Variants in NBAS observed in about 807,000 individuals in gnomAD.
NBAS encodes NBAS subunit of NRZ tethering complex, also known as NAG/BC035112 fusion.
A neutral mutation model predicts 302.5 loss-of-function variants in NBAS; 219 were observed. The ratio of observed to expected loss-of-function variants is 0.72; its 90% CI spans 0.65 to 0.81. The LOEUF is 0.81. NBAS is among the 30% of genes least tolerant of loss of function. The probability of loss-of-function intolerance (pLI) is 0.00; values close to 1 mark genes in which losing one functional copy is unlikely to be tolerated. For synonymous variants in NBAS, 1,118 were observed against 1,021.6 expected (o/e 1.09, Z -1.80); for missense variants, 2,932 against 2,841.6 (o/e 1.03, Z -0.72).
chr2:15,048,333 A>G, the NBAS span, among the ~76,000 whole-genome samples: 1 of 152,138 alleles, frequency 6.6e-6, no homozygotes, highest in Non-Finnish European at 1.5e-5. Flanking sequence ...CAGGGCACAC[A>G]CCCAGGCCCA....
chr2:15,330,707 G>A lies in NBAS; in HGVS notation c.4238C>T (p.Thr1413Ile). 1 of 1,614,080 alleles carries A rather than the reference G, an allele frequency of 6.2e-7. No individual in the cohort carries two copies. Among genetic ancestry groups the A allele is most frequent in the Non-Finnish European group, 8.5e-7 (1 of 1,179,958 alleles). Residue 1413 changes from threonine to isoleucine, a missense_variant, in exon 36 of 52, where the codon ACC becomes ATC. Thr to Ile is a moderately conservative substitution (Grantham distance 89, BLOSUM62 -1). Transcript: ENST00000281513. Reference protein sequence around the residue: ...SADLLRWTTATTMKVLSNTTT... With the variant: ...SADLLRWTTAITMKVLSNTTT... Reference sequence around the variant, plus strand: ...GGTGTTGGAAAGGACTTTCATGGTGGTAGCAGTGGTCCAGCGCAATAGGTC... The same window carrying A: ...GGTGTTGGAAAGGACTTTCATGGTGATAGCAGTGGTCCAGCGCAATAGGTC...
At chr2:14,801,015 G>C in the NBAS span, among the ~76,000 whole-genome samples, 1 of 151,590 alleles carries the variant, frequency 6.6e-6, no homozygotes, top group African/African-American at 2.4e-5. Context: ...CTTTTCACTG[G>C]GTATAGAATT....
chr2:14,832,792 T>C, the NBAS span, among the ~76,000 whole-genome samples: 1 of 152,206 alleles, frequency 6.6e-6, no homozygotes, highest in Non-Finnish European at 1.5e-5. Flanking sequence ...ATTTTGACTT[T>C]GTTGTTTGGA....
At chr2:15,219,605 G>T (rs1666834015) in intron 47 of NBAS, among the ~76,000 whole-genome samples, 1 of 137,806 alleles carries the variant, frequency 7.3e-6, no homozygotes, top group East Asian at 2.0e-4. Flanking sequence ...ACCCTGAGTG[G>T]ACACAGCACA....
At chr2:15,264,305 C>G (rs75581800) in intron 44 of NBAS, among the ~76,000 whole-genome samples, 3,320 of 152,140 alleles carry the variant, frequency 0.022, 84 homozygotes, top group African/African-American at 0.055. Flanking sequence ...AGATTTACAC[C>G]CCCTATGAAT....
the NBAS span, among the ~76,000 whole-genome samples, chr2:15,019,123 T>A: frequency 6.6e-6 from 1 of 152,222 alleles, no homozygotes; most frequent in Non-Finnish European, 1.5e-5. Flanking sequence ...TCAAGGGACA[T>A]GAGACAATTT....
At chr2:15,506,166 G>A (rs1451022266) in intron 10 of NBAS, among the ~76,000 whole-genome samples, 2 of 151,980 alleles carry the variant, frequency 1.3e-5, no homozygotes. Flanking sequence ...CATTTGGATT[G>A]CCAGAGAATC....
intron 47 of NBAS, among the ~76,000 whole-genome samples, chr2:15,219,405 G>T (rs1558448324): frequency 6.9e-6 from 1 of 145,196 alleles, no homozygotes; most frequent in African/African-American, 2.6e-5. Context: ...GACAACAGTG[G>T]AGGGAAGGTC....
intron 31 of NBAS, among the ~76,000 whole-genome samples, chr2:15,367,900 G>A (rs927471300): frequency 5.9e-5 from 9 of 152,052 alleles, no homozygotes; most frequent in Non-Finnish European, 1.0e-4. Context: ...AATAATTTGC[G>A]CCTTCACACA....
intron 7 of NBAS, among the ~76,000 whole-genome samples, chr2:15,538,910 C>A (rs1327332912): frequency 6.6e-6 from 1 of 152,174 alleles, no homozygotes; most frequent in Non-Finnish European, 1.5e-5. Flanking sequence ...AATTCCAACT[C>A]CTCTTGAAGT....
the NBAS span, among the ~76,000 whole-genome samples, chr2:14,870,157 T>G: frequency 1.8e-4 from 27 of 152,132 alleles, no homozygotes; most frequent in Non-Finnish European, 2.9e-4. Flanking sequence ...CTCAAGAGAT[T>G]CTACAGTGCA....
the NBAS span, among the ~76,000 whole-genome samples, chr2:15,039,615 G>A: frequency 6.6e-6 from 1 of 152,130 alleles, no homozygotes; most frequent in African/African-American, 2.4e-5. Context: ...GAAGGTGAGG[G>A]GTTTCCGTAA....
intron 48 of NBAS, among the ~76,000 whole-genome samples, chr2:15,215,009 A>AT (rs1180429745): frequency 1.3e-5 from 2 of 152,082 alleles, no homozygotes; most frequent in Non-Finnish European, 2.9e-5. Flanking sequence ...ATGGTATGGG[A>AT]TTTTTTTCTA....
chr2:15,161,098 T>A, the NBAS span, among the ~76,000 whole-genome samples: 1 of 152,118 alleles, frequency 6.6e-6, no homozygotes, highest in Non-Finnish European at 1.5e-5. Flanking sequence ...TGAGCAAAAG[T>A]TGGGCTTTGG....
chr2:15,302,425 ATGTAC>A (rs1444837380), intron 40 of NBAS, among the ~76,000 whole-genome samples: 2 of 152,124 alleles, frequency 1.3e-5, no homozygotes, highest in African/African-American at 4.8e-5. Context: ...ACTGGGCCCC[ATGTAC>A]TGTACTGGCT....
the NBAS span, among the ~76,000 whole-genome samples, chr2:15,156,877 A>G: frequency 6.6e-6 from 1 of 152,140 alleles, no homozygotes; most frequent in Admixed American, 6.5e-5. Flanking sequence ...CTAGCTACTT[A>G]AAACACCCTC....
intron 5 of NBAS, among the ~76,000 whole-genome samples, chr2:15,551,904 C>G (rs1296977776): frequency 5.3e-5 from 8 of 152,130 alleles, no homozygotes; most frequent in Non-Finnish European, 1.5e-5. Flanking sequence ...TACATCATTC[C>G]TAATTAAGAA....
intron 21 of NBAS, among the ~76,000 whole-genome samples, chr2:15,432,426 T>A (rs1677811364): frequency 6.6e-6 from 1 of 152,184 alleles, no homozygotes; most frequent in South Asian, 2.1e-4. Context: ...CATTTGATGG[T>A]AACATTTATC....
At chr2:14,980,269 C>T in the NBAS span, among the ~76,000 whole-genome samples, 1 of 152,146 alleles carries the variant, frequency 6.6e-6, no homozygotes, top group African/African-American at 2.4e-5. Flanking sequence ...GACCACCTCA[C>T]TCCATGCAAC....
Sources: gnomAD v4.1 joint callset for allele counts (sites outside exome capture counted in the v4.1 genomes callset) on GRCh38, gnomAD v4.1.1 for gene constraint, MANE v1.5 for transcripts, NCBI Gene and HGNC (gene_info 2026-07-23, HGNC 2026-07-21) for gene names.